Variants in FHAD1 observed in about 807,000 individuals in gnomAD.
FHAD1 encodes forkhead-associated domain-containing protein 1.
FHAD1 carries 146 observed loss-of-function variants against 191.3 expected under a neutral mutation model. The ratio of observed to expected loss-of-function variants is 0.76; its 90% CI spans 0.67 to 0.88. The LOEUF is 0.88. FHAD1 is among the 40% of genes least tolerant of loss of function. FHAD1 has a pLI of 0.00. For missense variants in FHAD1, 1,635 were observed against 1,785.8 expected (o/e 0.92, Z 1.52); for synonymous variants, 616 against 672.3 (o/e 0.92, Z 1.29).
rs1402312194 is a variant in FHAD1, at chr1:15,374,519, T to C, written c.3465T>C (p.Asp1155=). 1 of 1,551,710 alleles carries C rather than the reference T, an allele frequency of 6.4e-7. No individual in the cohort carries two copies. Among genetic ancestry groups the C allele is most frequent in the African/African-American group, 1.4e-5 (1 of 73,058 alleles). ...SSSQEQQSFS[D]LGVRCKGSRH... ...GCCCACAGCAGCAATCCTTCAGCGA[T>C]CTAGGGGTCAGGTGCAAAGGGTCCC... Residue 1155 remains aspartate, a synonymous_variant, in exon 27 of 34, where the codon GAT becomes GAC. Coordinates refer to ENST00000688493, the MANE Select transcript of FHAD1 (RefSeq NM_001391957.1).
chr1:15,332,520 C>A (rs1177053210), intron 14 of FHAD1, among the ~76,000 whole-genome samples: 1 of 151,972 alleles, frequency 6.6e-6, no homozygotes, highest in African/African-American at 2.4e-5. Context: ...CCAACCTGGG[C>A]AACATCGTGA....
intron 2 of FHAD1, among the ~76,000 whole-genome samples, chr1:15,271,308 G>A (rs1336882282): frequency 6.6e-6 from 1 of 152,168 alleles, no homozygotes. Context: ...GCGAGACTCT[G>A]TCTCAAAAAT....
upstream of FHAD1, among the ~76,000 whole-genome samples, chr1:15,242,367 C>G (rs957363578): frequency 6.6e-6 from 1 of 152,046 alleles, no homozygotes; most frequent in East Asian, 1.9e-4. Flanking sequence ...GCCTCAATTT[C>G]TCTTTCTGTA....
chr1:15,357,442 G>A (rs1693193840), intron 20 of FHAD1, among the ~76,000 whole-genome samples: 1 of 152,098 alleles, frequency 6.6e-6, no homozygotes, highest in Admixed American at 6.5e-5. Flanking sequence ...GGCCAACATG[G>A]TGAAACTCCG....
rs907929766 is a variant in FHAD1, at chr1:15,328,423, C to T, written c.1704C>T (p.Ser568=). The change falls in exon 13 of 34, where the codon AGC becomes AGT. Residue 568 remains serine (S), a synonymous_variant. Transcript: ENST00000688493. ...NIEKLRTSLD[S]CQACMKISCC... ...AGAAGCTGAGGACGTCGCTGGACAG[C>T]TGCCAGGTGGCCCCTCCTTACGCTT... The T allele has an allele frequency of 1.3e-5, 20 of 1,515,718 alleles. No homozygotes were observed. Among genetic ancestry groups the T allele is most frequent in the Non-Finnish European group, 1.8e-5 (20 of 1,131,908 alleles). 93.9% of individuals were successfully genotyped at this position (1,515,718 alleles called of 1,614,324 possible).
chr1:15,288,957 G>C (rs1663499458), intron 3 of FHAD1, among the ~76,000 whole-genome samples: 1 of 152,170 alleles, frequency 6.6e-6, no homozygotes, highest in South Asian at 2.1e-4. Flanking sequence ...GTCCAGGAAG[G>C]CTTCCTGGGG....
chr1:15,308,792 C>T, intron 7 of FHAD1, 56 bp downstream of exon 7: 12 of 1,548,034 alleles, frequency 7.8e-6, no homozygotes, highest in Non-Finnish European at 1.0e-5. Flanking sequence ...TTGTTCTTGG[C>T]CACAGCAGAC....
At chr1:15,252,721 C>G (rs987741756) in intron 2 of FHAD1, among the ~76,000 whole-genome samples, 30 of 152,198 alleles carry the variant, frequency 2.0e-4, no homozygotes, top group Non-Finnish European at 8.8e-5. Context: ...TGCCGTGGGC[C>G]CCTCAGAGGC....
At chr1:15,349,214 C>T (rs1689972426) in intron 19 of FHAD1, 65 bp downstream of exon 19, 1 of 1,269,100 alleles carries the variant, frequency 7.9e-7, no homozygotes. Context: ...TGGGAGAGTA[C>T]AGTGGGAAAT....
In FHAD1 at chr1:15,365,357, G is replaced by C. The variant is rs1354834111; in HGVS notation, c.3048-470G>C. ...TCTTTCTTTCTTTTTTTTTTTCTTA[G>C]AGATGGGTTCTTGCTCTGCCACCCA... is the stretch of plus-strand genomic sequence containing the variant. On this transcript the variant is annotated intron_variant, in intron 23 of 33. Coordinates refer to ENST00000688493, the MANE Select transcript of FHAD1 (RefSeq NM_001391957.1). 3.3e-5 allele frequency among the ~76,000 whole-genome samples: 5 copies of C among 150,124 alleles called. 1 individual carries two copies. In the South Asian group the frequency reaches 1.0e-3, roughly 31 times the overall value.
chr1:15,251,675 G>T, intron 1 of FHAD1, 96 bp from the exon 2 acceptor site: 1 of 943,900 alleles, frequency 1.1e-6, no homozygotes, highest in South Asian at 1.7e-5. Context: ...CTTTGGACAT[G>T]ACTCTGTGGT....
intron 23 of FHAD1, among the ~76,000 whole-genome samples, chr1:15,365,584 A>G (rs1036918116): frequency 1.3e-5 from 2 of 150,606 alleles, no homozygotes; most frequent in Non-Finnish European, 2.9e-5. Flanking sequence ...TGGCCTCCCA[A>G]AGTGCTGGGA....
At chr1:15,342,645 A>T (rs1687217462) in intron 16 of FHAD1, among the ~76,000 whole-genome samples, 1 of 152,146 alleles carries the variant, frequency 6.6e-6, no homozygotes, top group African/African-American at 2.4e-5. Flanking sequence ...GCTGATTCTC[A>T]TCACTGTCCT....
intron 1 of FHAD1, among the ~76,000 whole-genome samples, chr1:15,251,427 T>C (rs756157017): frequency 3.9e-5 from 6 of 152,314 alleles, no homozygotes; most frequent in Non-Finnish European, 8.8e-5. Context: ...ACTAAGCTTA[T>C]ACTAAGCTTG....
upstream of FHAD1, among the ~76,000 whole-genome samples, chr1:15,245,151 C>T (rs747133828): frequency 2.6e-4 from 40 of 152,168 alleles, no homozygotes; most frequent in Non-Finnish European, 4.1e-4. Context: ...GGGATTCGCC[C>T]GCATGATCCA....
intron 2 of FHAD1, among the ~76,000 whole-genome samples, chr1:15,265,228 T>C (rs938414664): frequency 6.6e-6 from 1 of 152,234 alleles, no homozygotes; most frequent in African/African-American, 2.4e-5. Flanking sequence ...GAGATTATAG[T>C]AGAACTCCCT....
chr1:15,275,830 C>T (rs1315230622), intron 3 of FHAD1, among the ~76,000 whole-genome samples: 1 of 151,974 alleles, frequency 6.6e-6, no homozygotes, highest in South Asian at 2.1e-4. Flanking sequence ...CTGTGTCTTC[C>T]CCGCGGTAGA....
intron 20 of FHAD1, among the ~76,000 whole-genome samples, chr1:15,356,507 A>G (rs1236271002): frequency 6.6e-6 from 1 of 152,208 alleles, no homozygotes; most frequent in Non-Finnish European, 1.5e-5. Flanking sequence ...GGTGCGTGCT[A>G]CGTGACCCAG....
chr1:15,359,102 C>T (rs1039536041), intron 21 of FHAD1, among the ~76,000 whole-genome samples: 2 of 151,762 alleles, frequency 1.3e-5, no homozygotes, highest in African/African-American at 2.4e-5. Flanking sequence ...GGCATAGGGA[C>T]GACATAAGGA....
Sources: gnomAD v4.1 joint callset for allele counts (sites outside exome capture counted in the v4.1 genomes callset) on GRCh38, gnomAD v4.1.1 for gene constraint, MANE v1.5 for transcripts, NCBI Gene and HGNC (gene_info 2026-07-23, HGNC 2026-07-21) for gene names.